The following PIBF1 variants were observed in gnomAD, a reference collection of about 807,000 sequenced individuals.
The protein encoded by PIBF1 is progesterone immunomodulatory binding factor 1.
Under a neutral mutation model 112.5 loss-of-function variants are expected in PIBF1, and 90 were observed. That is an observed-to-expected ratio of 0.80 (90% CI 0.67 to 0.95). The LOEUF (loss-of-function observed/expected upper bound fraction) is 0.95, where lower values mean the gene tolerates loss of function less well. Ranked by LOEUF, PIBF1 falls within the 40% of genes least tolerant of loss-of-function variation. The pLI is 0.00. For synonymous variants in PIBF1, 301 were observed against 288.6 expected (o/e 1.04, Z -0.44); for missense variants, 915 against 852.3 (o/e 1.07, Z -0.92).
intron 10 of PIBF1, among the ~76,000 whole-genome samples, chr13:72,882,130 C>T (rs1008895432): frequency 1.3e-5 from 2 of 151,778 alleles, no homozygotes; most frequent in African/African-American, 2.4e-5. Flanking sequence ...AAATCAGAAA[C>T]AAATCCATAC....
intron 17 of PIBF1, among the ~76,000 whole-genome samples, chr13:73,011,846 A>G (rs2044213598): frequency 6.6e-6 from 1 of 152,202 alleles, no homozygotes; most frequent in Non-Finnish European, 1.5e-5. Context: ...GAGACAGTGC[A>G]AGCATCAGAA....
intron 10 of PIBF1, among the ~76,000 whole-genome samples, chr13:72,869,710 T>C (rs1048284472): frequency 6.6e-6 from 1 of 152,038 alleles, no homozygotes; most frequent in African/African-American, 2.4e-5. Context: ...TTTATTCTTA[T>C]GTATGAGTTT....
intron 10 of PIBF1, chr13:72,884,793 A>C (rs909776635): frequency 6.6e-6 from 1 of 152,158 alleles, no homozygotes; most frequent in African/African-American, 2.4e-5. Flanking sequence ...TATATTTACT[A>C]TCTATTTGTT....
In PIBF1 at chr13:72,793,664, A is replaced by C. The variant is rs1051321610; in HGVS notation, c.353+1117A>C. Among the ~76,000 whole-genome samples, 4 of 152,334 alleles carry C rather than the reference A, an allele frequency of 2.6e-5. No homozygotes were observed. In the East Asian group the frequency reaches 7.7e-4, roughly 29 times the overall value. ...AGTCTATTGTAATAAAACTCTTGAT[A>C]GCTGATGGTCATAAAAAATGGTTGG... On this transcript the variant is annotated intron_variant, in intron 3 of 17. Transcript: ENST00000326291.
chr13:72,854,200 TTTCTG>T (rs1566361877), intron 10 of PIBF1, 45 bp downstream of exon 10: 1 of 1,201,422 alleles, frequency 8.3e-7, no homozygotes, highest in East Asian at 2.3e-5. Context: ...TCCATTATTG[TTTCTG>T]TTACATATTC....
At chr13:73,000,886 A>G (rs1049256994) in intron 17 of PIBF1, among the ~76,000 whole-genome samples, 1 of 152,198 alleles carries the variant, frequency 6.6e-6, no homozygotes, top group Non-Finnish European at 1.5e-5. Flanking sequence ...AGAAGATTCA[A>G]TATTAGTTGG....
intron 14 of PIBF1, among the ~76,000 whole-genome samples, chr13:72,938,761 G>A (rs899321060): frequency 1.3e-5 from 2 of 152,160 alleles, no homozygotes; most frequent in African/African-American, 4.8e-5. Flanking sequence ...TTTTCGTAGT[G>A]ACTATGCCAT....
chr13:73,015,243 C>T (rs1302316638), intron 17 of PIBF1, among the ~76,000 whole-genome samples: 1 of 151,206 alleles, frequency 6.6e-6, no homozygotes, highest in African/African-American at 2.4e-5. Flanking sequence ...CCTCCCACCT[C>T]AACCTCCCAA....
chr13:72,817,312 T>G (rs2138096771), intron 5 of PIBF1, among the ~76,000 whole-genome samples: 1 of 152,318 alleles, frequency 6.6e-6, no homozygotes, highest in Admixed American at 6.5e-5. Context: ...CCATAGTAAT[T>G]GCCTTTTATT....
chr13:72,876,954 A>C (rs1439150403), intron 10 of PIBF1, among the ~76,000 whole-genome samples: 3 of 152,154 alleles, frequency 2.0e-5, no homozygotes, highest in Non-Finnish European at 4.4e-5. Context: ...TATGATGTTG[A>C]AAAGTTCCTG....
chr13:72,988,887 A>C (rs1002489699), intron 16 of PIBF1, among the ~76,000 whole-genome samples: 3 of 152,060 alleles, frequency 2.0e-5, no homozygotes, highest in Non-Finnish European at 4.4e-5. Flanking sequence ...AAATACAAAA[A>C]ATTAGCCAGA....
At chr13:72,845,882 G>A (rs1287470225) in intron 9 of PIBF1, among the ~76,000 whole-genome samples, 1 of 152,040 alleles carries the variant, frequency 6.6e-6, no homozygotes, top group Admixed American at 6.6e-5. Context: ...TTATACCAAA[G>A]CCCCTAAGAC....
Position 72,830,139 on chromosome 13 carries a change from T to G in PIBF1, c.1097+2225T>G, listed in dbSNP as rs556617430. ...CACATCAATTTTGTATCCTGAGACT[T>G]TGCTGAAGTTGCTTATCAGCTTAAG... On this transcript the variant is annotated intron_variant, in intron 8 of 17. Transcript: ENST00000326291. Among the ~76,000 whole-genome samples, 8 of 152,352 alleles carry G rather than the reference T, an allele frequency of 5.3e-5. No homozygotes were observed. The South Asian group carries it at 1.7e-3, about 32-fold the overall frequency.
At chr13:72,783,780 A>T in intron 2 of PIBF1, 59 bp downstream of exon 2, 2 of 1,432,258 alleles carry the variant, frequency 1.4e-6, no homozygotes, top group Non-Finnish European at 9.7e-7. Flanking sequence ...ACGGCAGGTA[A>T]ATAAGAATTA....
At chr13:72,849,543 TCAAA>T (rs1331404434) in intron 9 of PIBF1, among the ~76,000 whole-genome samples, 5 of 152,240 alleles carry the variant, frequency 3.3e-5, no homozygotes, top group Admixed American at 6.5e-5. Context: ...TAGCATTTTA[TCAAA>T]CAGTTTATTT....
chr13:72,825,876 G>A (rs899522571), intron 6 of PIBF1, among the ~76,000 whole-genome samples: 7 of 150,764 alleles, frequency 4.6e-5, no homozygotes, highest in Admixed American at 2.0e-4. Flanking sequence ...GACTAGCCAG[G>A]GCAATATAGC....
chr13:73,005,460 C>A (rs1208388922), intron 17 of PIBF1, among the ~76,000 whole-genome samples: 1 of 151,334 alleles, frequency 6.6e-6, no homozygotes, highest in African/African-American at 2.4e-5. Context: ...GATGGCAGAA[C>A]AAGACCCTGT....
chr13:72,907,751 C>T (rs1319844959), intron 11 of PIBF1, among the ~76,000 whole-genome samples: 1 of 151,924 alleles, frequency 6.6e-6, no homozygotes, highest in East Asian at 1.9e-4. Flanking sequence ...TAATACCACT[C>T]CATAATTTAG....
chr13:72,995,584 G>A (rs1185949144), intron 16 of PIBF1, among the ~76,000 whole-genome samples: 1 of 151,980 alleles, frequency 6.6e-6, no homozygotes, highest in African/African-American at 2.4e-5. Flanking sequence ...CATCTTGAGG[G>A]GACAGATGTT....
Sources: allele counts gnomAD v4.1 joint callset (sites outside exome capture counted in the v4.1 genomes callset), GRCh38; gene constraint gnomAD v4.1.1; transcripts MANE v1.5; gene names NCBI Gene and HGNC (gene_info 2026-07-23, HGNC 2026-07-21).